The following PDE4D variants were observed in gnomAD, a reference collection of about 807,000 sequenced individuals.
The protein encoded by PDE4D is 3',5'-cyclic-AMP phosphodiesterase 4D.
Under a neutral mutation model 87.4 loss-of-function variants are expected in PDE4D, and 24 were observed. The ratio of observed to expected loss-of-function variants is 0.27; its 90% CI spans 0.20 to 0.39. The LOEUF (loss-of-function observed/expected upper bound fraction) is 0.39. Among genes scored for constraint, PDE4D ranks in the 10% least tolerant of loss-of-function variants. The pLI is 1.00. For missense variants in PDE4D, 714 were observed against 1,041.0 expected (o/e 0.69, Z 4.32); for synonymous variants, 384 against 383.2 (o/e 1.00, Z -0.02).
In PDE4D at chr5:58,974,533, A is replaced by G. The variant is rs953481477; in HGVS notation, c.*131T>C. 1.6e-5 allele frequency: 13 copies of G among 801,502 alleles called. No individual in the cohort carries two copies. The highest frequency in any genetic ancestry group is 1.5e-4 in the South Asian group (7 of 48,120). The allele number at this position is 801,502 out of a possible 1,614,324, so 49.6% of individuals were successfully genotyped here. A position where few individuals can be genotyped will look rare whatever the true frequency, so the allele number is the denominator to read the frequency against. On this transcript the variant is annotated 3_prime_UTR_variant, in exon 15 of 15. Transcript: ENST00000340635. ...TTCCTGAGCGCTGGACTGAGTAGTC[A>G]AGGTCAGTTTTGTTCAACAAACGTC...
At chr5:60,497,592 C>T (rs1472868077) in intron 1 of PDE4D, among the ~76,000 whole-genome samples, 1 of 151,842 alleles carries the variant, frequency 6.6e-6, no homozygotes, top group African/African-American at 2.4e-5. Context: ...TTTGTAGAGA[C>T]AGGGTCTCAC....
chr5:59,138,231 A>G (rs1008340643), intron 5 of PDE4D, among the ~76,000 whole-genome samples: 4 of 152,182 alleles, frequency 2.6e-5, no homozygotes, highest in African/African-American at 4.8e-5. Context: ...ATATATTCCC[A>G]CAGTAACCAT....
At chr5:59,243,590 G>T (rs571261018) in intron 1 of PDE4D, among the ~76,000 whole-genome samples, 18 of 149,402 alleles carry the variant, frequency 1.2e-4, no homozygotes, top group African/African-American at 4.2e-4. Flanking sequence ...CTCCTGAGTA[G>T]CTGGGATTAC....
chr5:60,366,131 C>A (rs879429283), intron 1 of PDE4D, among the ~76,000 whole-genome samples: 4 of 151,822 alleles, frequency 2.6e-5, no homozygotes, highest in Admixed American at 2.6e-4. Context: ...AAAACAAGAA[C>A]CAGGACTTGA....
At chr5:59,643,283 A>G (rs1179900595) in intron 1 of PDE4D, among the ~76,000 whole-genome samples, 1 of 152,170 alleles carries the variant, frequency 6.6e-6, no homozygotes, top group African/African-American at 2.4e-5. Flanking sequence ...CAGGGAGGTC[A>G]AGGTAACTAG....
At chr5:59,163,275 C>CT (rs78168130) in intron 5 of PDE4D, among the ~76,000 whole-genome samples, 62 of 135,728 alleles carry the variant, frequency 4.6e-4, no homozygotes, top group East Asian at 2.6e-3. Flanking sequence ...AATGAACAAT[C>CT]TTTTTTTTTT....
intron 1 of PDE4D, chr5:60,459,835 C>G: frequency 3.5e-6 from 2 of 577,048 alleles, no homozygotes; most frequent in Non-Finnish European, 6.3e-6. Context: ...AAGTTGGAAC[C>G]TATCAGTGTT....
chr5:59,494,984 C>G (rs1218661443), intron 1 of PDE4D, among the ~76,000 whole-genome samples: 1 of 152,240 alleles, frequency 6.6e-6, no homozygotes, highest in Non-Finnish European at 1.5e-5. Flanking sequence ...TTACCCCCTA[C>G]AATTCCCACC....
chr5:60,329,416 T>A (rs1474811300), intron 1 of PDE4D, among the ~76,000 whole-genome samples: 1 of 152,114 alleles, frequency 6.6e-6, no homozygotes, highest in Non-Finnish European at 1.5e-5. Context: ...GTTTCCTGAG[T>A]CCTCCTCAGA....
intron 1 of PDE4D, among the ~76,000 whole-genome samples, chr5:59,698,160 A>C (rs73758857): frequency 0.072 from 10,917 of 152,142 alleles, 1,207 homozygotes; most frequent in African/African-American, 0.24. Flanking sequence ...AAGAAACTGG[A>C]CTTTGGCTTG....
chr5:60,289,100 G>C (rs1752668417), intron 1 of PDE4D, among the ~76,000 whole-genome samples: 1 of 152,186 alleles, frequency 6.6e-6, no homozygotes, highest in South Asian at 2.1e-4. Context: ...GCAGCTAAAA[G>C]AAGGTTGTTC....
intron 1 of PDE4D, among the ~76,000 whole-genome samples, chr5:60,331,553 G>A (rs1379647105): frequency 6.6e-6 from 1 of 152,164 alleles, no homozygotes; most frequent in Non-Finnish European, 1.5e-5. Flanking sequence ...CCCCCTGAAG[G>A]ATAGACCTGT....
chr5:59,677,382 G>A (rs62370466), intron 1 of PDE4D, among the ~76,000 whole-genome samples: 11,830 of 152,106 alleles, frequency 0.078, 481 homozygotes, highest in African/African-American at 0.085. Context: ...CTAAGTAGAC[G>A]TTTAAGGCTC....
chr5:59,868,153 C>A (rs1382620137), intron 1 of PDE4D, among the ~76,000 whole-genome samples: 1 of 152,004 alleles, frequency 6.6e-6, no homozygotes, highest in Non-Finnish European at 1.5e-5. Flanking sequence ...TCTTTATAGT[C>A]TTAAAAATTA....
At chr5:60,425,161 T>C (rs1028207101) in intron 1 of PDE4D, among the ~76,000 whole-genome samples, 1 of 152,162 alleles carries the variant, frequency 6.6e-6, no homozygotes, top group Non-Finnish European at 1.5e-5. Flanking sequence ...AATGACTTTC[T>C]TCACAGAAAT....
At chr5:59,999,863 A>AAAG (rs1763867575) in intron 2 of PDE4D, among the ~76,000 whole-genome samples, 1 of 152,106 alleles carries the variant, frequency 6.6e-6, no homozygotes, top group South Asian at 2.1e-4. Flanking sequence ...ATGATGCAGG[A>AAAG]ACAAAATGAG....
At chr5:59,556,625 C>G (rs1487278144) in intron 1 of PDE4D, among the ~76,000 whole-genome samples, 1 of 152,176 alleles carries the variant, frequency 6.6e-6, no homozygotes, top group Non-Finnish European at 1.5e-5. Flanking sequence ...TTCTTCTCGT[C>G]TAGCATTTCT....
chr5:59,769,268 T>C (rs1215935005), intron 1 of PDE4D, among the ~76,000 whole-genome samples: 1 of 152,314 alleles, frequency 6.6e-6, no homozygotes, highest in African/African-American at 2.4e-5. Context: ...TGGAACGCTT[T>C]ACAGGTTGCA....
chr5:59,381,674 GTCTT>G, intron 1 of PDE4D, among the ~76,000 whole-genome samples: 1 of 152,046 alleles, frequency 6.6e-6, no homozygotes. Context: ...CAAATATCAC[GTCTT>G]TCTAAGTCCC....
Sources: allele counts gnomAD v4.1 joint callset (sites outside exome capture counted in the v4.1 genomes callset), GRCh38; gene constraint gnomAD v4.1.1; transcripts MANE v1.5; gene names NCBI Gene and HGNC (gene_info 2026-07-23, HGNC 2026-07-21).